KATNIP: variants seen among roughly 807,000 people sequenced by gnomAD.
KATNIP encodes katanin interacting protein, also known as katanin-interacting protein.
In KATNIP, 126 loss-of-function variants were observed where a neutral mutation model predicts 174.0. The ratio of observed to expected loss-of-function variants is 0.72; its 90% CI spans 0.63 to 0.84. The LOEUF is 0.84. Ranked by LOEUF, KATNIP falls within the 40% of genes least tolerant of loss-of-function variation. KATNIP has a pLI of 0.00. For synonymous variants in KATNIP, 810 were observed against 835.7 expected (o/e 0.97, Z 0.53); for missense variants, 1,958 against 2,109.7 (o/e 0.93, Z 1.41).
intron 5 of KATNIP, among the ~76,000 whole-genome samples, chr16:27,641,077 G>A: frequency 6.6e-6 from 1 of 151,866 alleles, no homozygotes; most frequent in East Asian, 1.9e-4. Flanking sequence ...GGCAGAGGTT[G>A]CAGTGAGCTG....
chr16:27,588,733 T>C (rs2090997096), intron 2 of KATNIP, among the ~76,000 whole-genome samples: 1 of 152,160 alleles, frequency 6.6e-6, no homozygotes, highest in Non-Finnish European at 1.5e-5. Context: ...TACATTGTTG[T>C]TATTAAAAAT....
intron 8 of KATNIP, among the ~76,000 whole-genome samples, chr16:27,689,521 T>A (rs1405662695): frequency 6.6e-6 from 1 of 152,152 alleles, no homozygotes; most frequent in East Asian, 1.9e-4. Context: ...TCTGGGGGCC[T>A]TGATTGCTGT....
At chr16:27,700,982 C>T (rs1453236282) in intron 10 of KATNIP, among the ~76,000 whole-genome samples, 2 of 152,092 alleles carry the variant, frequency 1.3e-5, no homozygotes, top group East Asian at 3.9e-4. Context: ...CTAAAATCGT[C>T]TGCAGATGGA....
intron 17 of KATNIP, 56 bp from the exon 18 acceptor site, chr16:27,754,117 G>C: frequency 7.0e-7 from 1 of 1,419,496 alleles, no homozygotes; most frequent in South Asian, 1.2e-5. Flanking sequence ...CCAGCTAGCT[G>C]TGTGGGTATC....
intron 14 of KATNIP, among the ~76,000 whole-genome samples, chr16:27,725,281 T>G (rs1362655836): frequency 1.3e-5 from 2 of 152,202 alleles, no homozygotes; most frequent in African/African-American, 2.4e-5. Flanking sequence ...ATTTCCCATC[T>G]TATAGACGAA....
chr16:27,591,042 G>A (rs2075144903), intron 2 of KATNIP, among the ~76,000 whole-genome samples: 1 of 152,170 alleles, frequency 6.6e-6, no homozygotes, highest in Non-Finnish European at 1.5e-5. Context: ...TCATTCTCAA[G>A]GAGACTTCCT....
chr16:27,704,483 AT>A (rs1193409578), intron 12 of KATNIP, among the ~76,000 whole-genome samples: 2 of 152,176 alleles, frequency 1.3e-5, no homozygotes, highest in Non-Finnish European at 2.9e-5. Context: ...AGAAACACTT[AT>A]GTCTTTCCGC....
intron 15 of KATNIP, among the ~76,000 whole-genome samples, chr16:27,743,025 A>G (rs1258674964): frequency 6.6e-6 from 1 of 152,066 alleles, no homozygotes. Context: ...ACACCCCCCA[A>G]CAGGCCACAG....
chr16:27,702,699 C>A (rs1325855963), intron 11 of KATNIP, among the ~76,000 whole-genome samples: 9 of 152,184 alleles, frequency 5.9e-5, no homozygotes, highest in Non-Finnish European at 1.2e-4. Flanking sequence ...ACTAGCCAAG[C>A]TGTGTGCCCT....
At chr16:27,596,273 G>A (rs561285026) in intron 2 of KATNIP, among the ~76,000 whole-genome samples, 2 of 152,280 alleles carry the variant, frequency 1.3e-5, no homozygotes, top group South Asian at 4.1e-4. Flanking sequence ...ATTGTAAAGA[G>A]AGAGGCAGCT....
At chr16:27,651,008 T>C (rs2077104733) in intron 6 of KATNIP, among the ~76,000 whole-genome samples, 1 of 152,216 alleles carries the variant, frequency 6.6e-6, no homozygotes, top group African/African-American at 2.4e-5. Flanking sequence ...GGCTGGTTTT[T>C]AGCCAAGCAT....
In KATNIP at chr16:27,614,588, C is replaced by T. The variant is rs774894630; in HGVS notation, c.64-3837C>T. Among the ~76,000 whole-genome samples the T allele has an allele frequency of 3.3e-5, 5 of 152,296 alleles. No homozygotes were observed. The South Asian group carries it at 6.2e-4, about 19-fold the overall frequency. On this transcript the variant is annotated intron_variant, in intron 2 of 27. Coordinates refer to ENST00000261588, the MANE Select transcript of KATNIP (RefSeq NM_015202.5). ...CCACCCAGAGCACTGAGATTACAGG[C>T]GTGAGCATGCCCGGCCTTGTTTTTG...
intron 2 of KATNIP, among the ~76,000 whole-genome samples, chr16:27,615,318 G>C (rs1362024197): frequency 2.7e-5 from 4 of 149,108 alleles, no homozygotes; most frequent in African/African-American, 7.4e-5. Flanking sequence ...TTAAGAAATG[G>C]AGTGGGAATC....
chr16:27,605,633 G>C (rs2075677793), intron 2 of KATNIP, among the ~76,000 whole-genome samples: 1 of 152,142 alleles, frequency 6.6e-6, no homozygotes, highest in South Asian at 2.1e-4. Flanking sequence ...TATTTTGTTA[G>C]GACACCTATC....
intron 12 of KATNIP, among the ~76,000 whole-genome samples, chr16:27,704,579 T>A (rs2079224560): frequency 6.6e-6 from 1 of 152,174 alleles, no homozygotes; most frequent in African/African-American, 2.4e-5. Context: ...ATAGAATTAT[T>A]GGAAGTAGGG....
intron 2 of KATNIP, among the ~76,000 whole-genome samples, chr16:27,606,660 G>T (rs2075716599): frequency 6.6e-6 from 1 of 151,914 alleles, no homozygotes. Context: ...GTTGCTATTT[G>T]GCCTGTCTCT....
intron 2 of KATNIP, among the ~76,000 whole-genome samples, chr16:27,609,804 GCCTCAGCCTCC>G (rs1409959672): frequency 6.6e-6 from 1 of 151,262 alleles, no homozygotes; most frequent in Non-Finnish European, 1.5e-5. Context: ...TGATTCTCCT[GCCTCAGCCTCC>G]CGTGTAGCTG....
chr16:27,652,154 C>G (rs1423270559), intron 6 of KATNIP, among the ~76,000 whole-genome samples: 1 of 152,072 alleles, frequency 6.6e-6, no homozygotes, highest in Non-Finnish European at 1.5e-5. Flanking sequence ...AGAAGAGAAA[C>G]AAGTATATAA....
At chr16:27,571,375 C>T (rs1481037836) in intron 1 of KATNIP, among the ~76,000 whole-genome samples, 1 of 151,858 alleles carries the variant, frequency 6.6e-6, no homozygotes, top group Non-Finnish European at 1.5e-5. Context: ...ATTTTTTAAA[C>T]TGTTCTTTAT....
Sources: gnomAD v4.1 joint callset for allele counts (sites outside exome capture counted in the v4.1 genomes callset) on GRCh38, gnomAD v4.1.1 for gene constraint, MANE v1.5 for transcripts, NCBI Gene and HGNC (gene_info 2026-07-23, HGNC 2026-07-21) for gene names.